TACR1: variants seen among roughly 807,000 people sequenced by gnomAD.
TACR1 encodes the protein substance-P receptor.
Under a neutral mutation model 35.8 loss-of-function variants are expected in TACR1, and 25 were observed. The observed-to-expected ratio is 0.70, with a 90% CI of 0.51 to 0.98. TACR1 has a LOEUF of 0.98. TACR1 is among the 50% of genes least tolerant of loss of function. TACR1 has a pLI of 0.00. For missense variants in TACR1, 478 were observed against 522.9 expected, an observed-to-expected ratio of 0.91 and a Z score of 0.84; for synonymous variants, 195 against 206.7, an observed-to-expected ratio of 0.94 and a Z score of 0.48.
intron 3 of TACR1, among the ~76,000 whole-genome samples, chr2:75,053,052 G>GT (rs1391906923): frequency 6.6e-5 from 10 of 151,770 alleles, no homozygotes; most frequent in Admixed American, 2.0e-4. Flanking sequence ...TACATGCACT[G>GT]TTTTTTTTGG....
chr2:75,093,894 T>C (rs1673359981), intron 2 of TACR1, among the ~76,000 whole-genome samples: 1 of 152,120 alleles, frequency 6.6e-6, no homozygotes, highest in Non-Finnish European at 1.5e-5. Flanking sequence ...AGAATTGATC[T>C]CGTTTAAGAG....
At chr2:75,156,434 C>CAAAAAAAAAA (rs60552665) in intron 1 of TACR1, 3 of 112,142 alleles carry the variant, frequency 2.7e-5, no homozygotes, top group African/African-American at 3.4e-5. Flanking sequence ...ACCAAAAATA[C>CAAAAAAAAAA]AAAAAAAAAA....
At chr2:75,107,134 G>A (rs1426954606) in intron 2 of TACR1, among the ~76,000 whole-genome samples, 1 of 151,634 alleles carries the variant, frequency 6.6e-6, no homozygotes, top group African/African-American at 2.4e-5. Context: ...TAGTGTTAAT[G>A]GCAAAAAAGC....
At chr2:75,113,654 A>G (rs7604270) in intron 2 of TACR1, among the ~76,000 whole-genome samples, 101,566 of 150,268 alleles carry the variant, frequency 0.68, 34,293 homozygotes, top group African/African-American at 0.72. Context: ...TTCCCTCTCC[A>G]TTTAATTGCT....
intron 3 of TACR1, among the ~76,000 whole-genome samples, 174 bp from the exon 4 acceptor site, chr2:75,051,621 G>A (rs932687534): frequency 6.6e-6 from 1 of 152,122 alleles, no homozygotes; most frequent in South Asian, 2.1e-4. Context: ...ACAAGACTTC[G>A]GTTATGTCAG....
chr2:75,049,762 G>A (rs199505128), intron 4 of TACR1, 39 bp from the exon 5 acceptor site: 17 of 1,586,168 alleles, frequency 1.1e-5, no homozygotes, highest in Admixed American at 3.4e-5. Flanking sequence ...CCTTTGGGAC[G>A]GCCTGCTCAG....
chr2:75,076,325 GA>G (rs1672979288), intron 2 of TACR1, among the ~76,000 whole-genome samples: 1 of 152,154 alleles, frequency 6.6e-6, no homozygotes, highest in South Asian at 2.1e-4. Flanking sequence ...TGTCTTTCCT[GA>G]AAACGCCACT....
At position 75,113,582 on chromosome 2, in the gene TACR1, G is replaced by T. The variant is rs145239020; in HGVS notation, c.584+6992C>A. ...ACTTTGTTCACTCTGATTTCTGTCT[G>T]GGAGTCAAGGTTAAGGGCATGTGTT... On this transcript the variant is annotated intron_variant, in intron 2 of 4. Coordinates refer to ENST00000305249, the MANE Select transcript of TACR1 (RefSeq NM_001058.4). Among the ~76,000 whole-genome samples, 153 of 108,448 alleles carry T rather than the reference G, an allele frequency of 1.4e-3. No homozygotes were observed. The Middle Eastern group carries it at 0.055, about 39-fold the overall frequency. The allele number at this position is 108,448 out of a possible 152,430, so 71.1% of individuals were successfully genotyped here. A position where few individuals can be genotyped will look rare whatever the true frequency, so the allele number is the denominator to read the frequency against.
intron 2 of TACR1, among the ~76,000 whole-genome samples, chr2:75,094,666 AGGTGGAGGT>A (rs1467263413): frequency 1.3e-5 from 2 of 151,280 alleles, no homozygotes; most frequent in East Asian, 3.9e-4. Context: ...GTGGTGATAG[AGGTGGAGGT>A]GGTGGAGGTG....
At chr2:75,121,203 T>G (rs1222930886) in intron 1 of TACR1, among the ~76,000 whole-genome samples, 1 of 152,226 alleles carries the variant, frequency 6.6e-6, no homozygotes, top group East Asian at 1.9e-4. Flanking sequence ...TGTGATATTA[T>G]AAAAGATTAG....
chr2:75,167,915 T>TA (rs892318237), intron 1 of TACR1, among the ~76,000 whole-genome samples: 99 of 151,488 alleles, frequency 6.5e-4, no homozygotes, highest in African/African-American at 2.0e-3. Context: ...TTGTCAAATA[T>TA]AAAAAAAAAT....
intron 1 of TACR1, among the ~76,000 whole-genome samples, chr2:75,144,170 T>G (rs1200603089): frequency 1.3e-5 from 2 of 152,320 alleles, no homozygotes; most frequent in East Asian, 3.9e-4. Flanking sequence ...AAGTGTGGTC[T>G]TACATAAGTA....
At chr2:75,054,574 G>T (rs1328718258) in intron 2 of TACR1, among the ~76,000 whole-genome samples, 4 of 152,174 alleles carry the variant, frequency 2.6e-5, no homozygotes, top group Non-Finnish European at 5.9e-5. Flanking sequence ...GTTTGTTACA[G>T]CAGCACAATT....
chr2:75,133,946 A>G (rs971626344), intron 1 of TACR1, among the ~76,000 whole-genome samples: 8 of 152,182 alleles, frequency 5.3e-5, no homozygotes, highest in African/African-American at 1.7e-4. Flanking sequence ...CAAGATGGCG[A>G]AGAGACTTCT....
intron 1 of TACR1, among the ~76,000 whole-genome samples, chr2:75,183,716 C>T (rs936942083): frequency 1.3e-5 from 2 of 152,178 alleles, no homozygotes; most frequent in African/African-American, 2.4e-5. Context: ...GTTTCTTTCT[C>T]TGCGTTTATA....
intron 2 of TACR1, among the ~76,000 whole-genome samples, chr2:75,120,070 T>C (rs568447455): frequency 2.5e-4 from 38 of 152,236 alleles, no homozygotes; most frequent in African/African-American, 8.7e-4. Flanking sequence ...CATTGTTCTT[T>C]TTTTTTGGCA....
intron 2 of TACR1, among the ~76,000 whole-genome samples, chr2:75,112,187 C>T (rs908180817): frequency 2.6e-5 from 4 of 151,652 alleles, no homozygotes; most frequent in Admixed American, 6.6e-5. Context: ...TTTGTGTGTG[C>T]ATGTGTAATT....
intron 2 of TACR1, among the ~76,000 whole-genome samples, chr2:75,067,027 A>G (rs1007146000): frequency 2.0e-5 from 3 of 152,224 alleles, no homozygotes; most frequent in African/African-American, 7.2e-5. Flanking sequence ...AATCTATGCA[A>G]TTGAGACAGA....
intron 2 of TACR1, among the ~76,000 whole-genome samples, chr2:75,073,174 C>A (rs1672915383): frequency 6.6e-6 from 1 of 152,226 alleles, no homozygotes; most frequent in African/African-American, 2.4e-5. Context: ...AGAGCTACAG[C>A]ACAGCTGACT....
Sources: gnomAD v4.1 joint callset for allele counts (sites outside exome capture counted in the v4.1 genomes callset) on GRCh38, gnomAD v4.1.1 for gene constraint, MANE v1.5 for transcripts, NCBI Gene and HGNC (gene_info 2026-07-23, HGNC 2026-07-21) for gene names.